The following GAS2 variants were observed in gnomAD, a reference collection of about 807,000 sequenced individuals.
The protein encoded by GAS2 is growth arrest specific 2.
GAS2 carries 20 observed loss-of-function variants against 37.5 expected under a neutral mutation model. The ratio of observed to expected loss-of-function variants is 0.53; its 90% CI spans 0.37 to 0.77. The LOEUF (loss-of-function observed/expected upper bound fraction) is 0.77. GAS2 is among the 30% of genes least tolerant of loss of function. The pLI, the probability that GAS2 is intolerant of heterozygous loss-of-function variation, is 0.00. For missense variants in GAS2, 336 were observed against 373.4 expected, an observed-to-expected ratio of 0.90 and a Z score of 0.82; for synonymous variants, 144 against 132.2, an observed-to-expected ratio of 1.09 and a Z score of -0.61.
At chr11:22,791,354 G>A (rs1021813887) in intron 7 of GAS2, among the ~76,000 whole-genome samples, 1 of 152,172 alleles carries the variant, frequency 6.6e-6, no homozygotes, top group Admixed American at 6.5e-5. Flanking sequence ...CAGGTCCATG[G>A]TGTAGATGGA....
At chr11:22,696,106 C>A (rs1850499042) in intron 3 of GAS2, among the ~76,000 whole-genome samples, 1 of 142,304 alleles carries the variant, frequency 7.0e-6, no homozygotes, top group Non-Finnish European at 1.5e-5. Flanking sequence ...CCCCACTCCA[C>A]AACAGTCCCC....
chr11:22,760,108 C>A (rs958836767), intron 7 of GAS2, among the ~76,000 whole-genome samples: 7 of 151,500 alleles, frequency 4.6e-5, no homozygotes, highest in African/African-American at 1.2e-4. Context: ...CAGTGTGTAC[C>A]ATCACACCCA....
chr11:22,711,991 A>G (rs754333691), intron 3 of GAS2, among the ~76,000 whole-genome samples: 11 of 152,230 alleles, frequency 7.2e-5, no homozygotes, highest in Non-Finnish European at 1.5e-4. Context: ...TGAGAAACCT[A>G]AGCACTCATC....
intron 4 of GAS2, among the ~76,000 whole-genome samples, chr11:22,730,173 A>G (rs751336561): frequency 6.6e-6 from 1 of 151,892 alleles, no homozygotes; most frequent in Non-Finnish European, 1.5e-5. Context: ...ATTTAACAAT[A>G]AAATTTCACA....
chr11:22,790,312 TAACA>T (rs1037851914), intron 7 of GAS2, among the ~76,000 whole-genome samples: 1 of 152,300 alleles, frequency 6.6e-6, no homozygotes, highest in African/African-American at 2.4e-5. Context: ...CATTTGTGTA[TAACA>T]AACCTGCACG....
In GAS2 at chr11:22,812,428, C is replaced by CTT. The variant is rs35549681; in HGVS notation, c.*429_*430dup. On this transcript the variant is annotated 3_prime_UTR_variant, in exon 8 of 8. Coordinates refer to ENST00000454584, the MANE Select transcript of GAS2 (RefSeq NM_001143830.3). ...TTTTTATAATTGCAAGATTTTTATGCTTTTTTTTTTTTTTTTTTACAAAAT... is the reference window on the plus strand; with the variant it reads ...TTTTTATAATTGCAAGATTTTTATGCTTTTTTTTTTTTTTTTTTTTACAAAAT... 0.17 allele frequency: 23,128 copies of CTT among 136,854 alleles called. 2,322 individuals are homozygous for CTT. Among genetic ancestry groups the CTT allele is most frequent in the African/African-American group, 0.24 (8,794 of 36,368 alleles). 8.5% of individuals were successfully genotyped at this position (136,854 alleles called of 1,614,324 possible).
chr11:22,808,377 G>T (rs1856994450), intron 7 of GAS2, among the ~76,000 whole-genome samples: 1 of 152,156 alleles, frequency 6.6e-6, no homozygotes, highest in Non-Finnish European at 1.5e-5. Context: ...AAGAATATTG[G>T]ACTGAAACCA....
intron 4 of GAS2, among the ~76,000 whole-genome samples, chr11:22,732,121 A>T (rs1852507859): frequency 6.6e-6 from 1 of 151,884 alleles, no homozygotes; most frequent in African/African-American, 2.4e-5. Flanking sequence ...TCTGTTATAG[A>T]AAGATGTACT....
intron 5 of GAS2, among the ~76,000 whole-genome samples, chr11:22,739,479 A>G (rs911293379): frequency 3.4e-5 from 5 of 148,628 alleles, no homozygotes; most frequent in African/African-American, 1.2e-4. Flanking sequence ...AGGCTGAGGC[A>G]GGAAAATGGC....
At chr11:22,760,770 AT>A (rs1383113572) in intron 7 of GAS2, among the ~76,000 whole-genome samples, 5 of 152,038 alleles carry the variant, frequency 3.3e-5, no homozygotes, top group Non-Finnish European at 7.4e-5. Flanking sequence ...TGAGTGTGTG[AT>A]TTTTTTTCTG....
At chr11:22,678,434 AG>A (rs1357222099) in intron 2 of GAS2, among the ~76,000 whole-genome samples, 2 of 152,092 alleles carry the variant, frequency 1.3e-5, no homozygotes, top group Non-Finnish European at 2.9e-5. Context: ...CTCTTTTTCA[AG>A]TCTTGCTTTT....
At chr11:22,801,440 G>A (rs1856659180) in intron 7 of GAS2, among the ~76,000 whole-genome samples, 1 of 138,094 alleles carries the variant, frequency 7.2e-6, no homozygotes, top group South Asian at 2.7e-4. Context: ...TGGGGTGGGG[G>A]CATGGGATAG....
intron 7 of GAS2, among the ~76,000 whole-genome samples, chr11:22,809,474 T>C (rs371533914): frequency 2.0e-5 from 3 of 151,998 alleles, no homozygotes; most frequent in East Asian, 3.9e-4. Flanking sequence ...AATTTCCATA[T>C]TTATTTATTA....
At chr11:22,691,997 A>G (rs1381632407) in intron 3 of GAS2, among the ~76,000 whole-genome samples, 2 of 152,074 alleles carry the variant, frequency 1.3e-5, no homozygotes, top group South Asian at 2.1e-4. Context: ...TTTCTGTTCT[A>G]TACTATCTTC....
chr11:22,803,871 T>C (rs1021512650), intron 7 of GAS2, among the ~76,000 whole-genome samples: 1 of 152,056 alleles, frequency 6.6e-6, no homozygotes, highest in East Asian at 1.9e-4. Context: ...TGTGAAATCA[T>C]GTATAAACTA....
At chr11:22,804,597 G>A (rs1856807064) in intron 7 of GAS2, among the ~76,000 whole-genome samples, 1 of 152,044 alleles carries the variant, frequency 6.6e-6, no homozygotes, top group South Asian at 2.1e-4. Context: ...TCAGATGTAA[G>A]GAGAAAGTAT....
intron 7 of GAS2, among the ~76,000 whole-genome samples, chr11:22,793,734 T>G (rs1311114971): frequency 6.6e-6 from 1 of 152,216 alleles, no homozygotes; most frequent in Non-Finnish European, 1.5e-5. Flanking sequence ...AATTCAGTCA[T>G]GGCCTTGTCT....
chr11:22,639,254 C>T (rs1858880230), intron 1 of GAS2, among the ~76,000 whole-genome samples: 2 of 152,162 alleles, frequency 1.3e-5, no homozygotes, highest in Admixed American at 6.5e-5. Context: ...GCTTTGTCCT[C>T]ATATGATATT....
At chr11:22,741,203 T>C (rs545397682) in intron 5 of GAS2, among the ~76,000 whole-genome samples, 1 of 152,292 alleles carries the variant, frequency 6.6e-6, no homozygotes, top group South Asian at 2.1e-4. Context: ...TGGGTAAAAC[T>C]TACTTTTATT....
Sources: allele counts gnomAD v4.1 joint callset (sites outside exome capture counted in the v4.1 genomes callset), GRCh38; gene constraint gnomAD v4.1.1; transcripts MANE v1.5; gene names NCBI Gene and HGNC (gene_info 2026-07-23, HGNC 2026-07-21).